The following CRPPA variants were observed in gnomAD, a reference collection of about 807,000 sequenced individuals.
CRPPA encodes the protein CDP-L-ribitol pyrophosphorylase A.
CRPPA carries 43 observed loss-of-function variants against 52.0 expected under a neutral mutation model. The observed-to-expected ratio is 0.83, with a 90% CI of 0.65 to 1.07. CRPPA has a LOEUF of 1.07. Among genes scored for constraint, CRPPA ranks in the 50% least tolerant of loss-of-function variants. The pLI is 0.00. For missense variants in CRPPA, 629 were observed against 551.7 expected, an observed-to-expected ratio of 1.14 and a Z score of -1.40; for synonymous variants, 250 against 203.5, an observed-to-expected ratio of 1.23 and a Z score of -1.94.
chr7:16,317,789 G>C (rs148852258), intron 3 of CRPPA, among the ~76,000 whole-genome samples: 3 of 152,136 alleles, frequency 2.0e-5, no homozygotes, highest in Non-Finnish European at 1.5e-5. Flanking sequence ...TTATATGTGA[G>C]TTCTATTTTC....
chr7:16,251,540 A>G (rs535593790), intron 8 of CRPPA, among the ~76,000 whole-genome samples: 2 of 152,200 alleles, frequency 1.3e-5, no homozygotes, highest in African/African-American at 2.4e-5. Context: ...TCAGACCACA[A>G]CGAAATCAAA....
chr7:16,315,543 G>A (rs992181144), intron 3 of CRPPA, among the ~76,000 whole-genome samples: 1 of 152,154 alleles, frequency 6.6e-6, no homozygotes, highest in African/African-American at 2.4e-5. Flanking sequence ...AGTTGGGTAA[G>A]GACAATAGTT....
intron 9 of CRPPA, among the ~76,000 whole-genome samples, chr7:16,154,973 C>CTTTTTTTT (rs11363510): frequency 7.9e-6 from 1 of 127,030 alleles, no homozygotes. Context: ...CTAATTTTTT[C>CTTTTTTTT]TTTTTTTTTT....
chr7:16,224,306 C>A (rs538474054), intron 8 of CRPPA, among the ~76,000 whole-genome samples: 1 of 151,990 alleles, frequency 6.6e-6, no homozygotes. Context: ...CTTCTGAGAA[C>A]GGATACATTA....
At chr7:16,178,944 A>G (rs751277017) in intron 9 of CRPPA, among the ~76,000 whole-genome samples, 1 of 152,120 alleles carries the variant, frequency 6.6e-6, no homozygotes, top group Non-Finnish European at 1.5e-5. Context: ...ATTTACTAGC[A>G]AGAAATACAA....
chr7:16,123,874 TAAAC>T (rs1249352195), intron 9 of CRPPA, among the ~76,000 whole-genome samples: 1 of 152,218 alleles, frequency 6.6e-6, no homozygotes, highest in Non-Finnish European at 1.5e-5. Context: ...AAATTTAACT[TAAAC>T]AACATTCATC....
chr7:16,095,633 G>A (rs1050433982), intron 9 of CRPPA, among the ~76,000 whole-genome samples: 1 of 152,046 alleles, frequency 6.6e-6, no homozygotes, highest in Non-Finnish European at 1.5e-5. Flanking sequence ...TGAAAGAAGA[G>A]CCTCCTAACA....
At chr7:16,400,439 G>A (rs1277401418) in intron 2 of CRPPA, among the ~76,000 whole-genome samples, 2 of 152,138 alleles carry the variant, frequency 1.3e-5, no homozygotes, top group Admixed American at 6.5e-5. Flanking sequence ...TGATCGACTT[G>A]TGATCAACAC....
chr7:16,295,343 A>G (rs531751634), intron 5 of CRPPA, among the ~76,000 whole-genome samples: 1 of 152,196 alleles, frequency 6.6e-6, no homozygotes, highest in East Asian at 1.9e-4. Context: ...ATATTACATA[A>G]TAACTGGAAA....
At chr7:16,386,695 A>C (rs1178034223) in intron 2 of CRPPA, among the ~76,000 whole-genome samples, 1 of 152,122 alleles carries the variant, frequency 6.6e-6, no homozygotes, top group Non-Finnish European at 1.5e-5. Context: ...TAAAAATGAC[A>C]GGCAAGGAAG....
intron 3 of CRPPA, among the ~76,000 whole-genome samples, chr7:16,312,530 C>A (rs779226337): frequency 3.9e-5 from 6 of 151,974 alleles, no homozygotes; most frequent in African/African-American, 4.8e-5. Flanking sequence ...CCCATACAGA[C>A]AATCATGTCA....
chr7:16,322,739 A>G (rs575186746), intron 3 of CRPPA, among the ~76,000 whole-genome samples: 100 of 152,308 alleles, frequency 6.6e-4, no homozygotes, highest in Non-Finnish European at 1.3e-3. Flanking sequence ...ATTATTCCAT[A>G]TAAGTTCCAC....
intron 9 of CRPPA, among the ~76,000 whole-genome samples, chr7:16,212,263 T>C (rs921084048): frequency 1.3e-5 from 2 of 152,126 alleles, no homozygotes; most frequent in African/African-American, 4.8e-5. Flanking sequence ...AATGTCCCCA[T>C]CCAATTAAAA....
At chr7:16,351,379 G>A (rs1273012120) in intron 3 of CRPPA, among the ~76,000 whole-genome samples, 1 of 152,052 alleles carries the variant, frequency 6.6e-6, no homozygotes, top group Non-Finnish European at 1.5e-5. Flanking sequence ...AACACCAAAA[G>A]CAATGGCAAC....
At chr7:16,332,459 T>C (rs1016213648) in intron 3 of CRPPA, among the ~76,000 whole-genome samples, 2 of 152,192 alleles carry the variant, frequency 1.3e-5, no homozygotes, top group African/African-American at 4.8e-5. Flanking sequence ...AATGTGTACA[T>C]ATACATGCTT....
chr7:16,395,217 T>A (rs964515070), intron 2 of CRPPA, among the ~76,000 whole-genome samples: 6 of 152,144 alleles, frequency 3.9e-5, no homozygotes, highest in Admixed American at 1.3e-4. Flanking sequence ...AGCTAATCTA[T>A]CACCATATTT....
chr7:16,421,056 G>A lies in CRPPA; in HGVS notation c.257+10C>T. 7.9e-7 allele frequency: 1 copy of A among 1,263,578 alleles called. No individual in the cohort carries two copies. The highest frequency in any genetic ancestry group is 3.4e-5 in the South Asian group (1 of 29,366). 78.3% of individuals were successfully genotyped at this position (1,263,578 alleles called of 1,614,324 possible). A position where few individuals can be genotyped will look rare whatever the true frequency, so the allele number is the denominator to read the frequency against. On this transcript the variant is annotated intron_variant, in intron 1 of 9. Transcript: ENST00000407010. The stretch of plus-strand genomic sequence containing the variant: ...CAGGGAACCGCGGGGCGCGCCCGGC[G>A]CCGCATTACCTCTCCAGGGCCTGTA...
At chr7:16,419,438 C>T (rs1178489660) in intron 1 of CRPPA, among the ~76,000 whole-genome samples, 1 of 152,158 alleles carries the variant, frequency 6.6e-6, no homozygotes, top group Non-Finnish European at 1.5e-5. Context: ...GATAATAGCC[C>T]TTTCCCAAAA....
At chr7:16,330,132 G>A (rs530356057) in intron 3 of CRPPA, among the ~76,000 whole-genome samples, 21 of 152,260 alleles carry the variant, frequency 1.4e-4, no homozygotes, top group African/African-American at 4.6e-4. Context: ...TAACAACTAC[G>A]ACATGTTAGA....
Sources: allele counts gnomAD v4.1 joint callset (sites outside exome capture counted in the v4.1 genomes callset), GRCh38; gene constraint gnomAD v4.1.1; transcripts MANE v1.5; gene names NCBI Gene and HGNC (gene_info 2026-07-23, HGNC 2026-07-21).